ETF1: variants seen among roughly 807,000 people sequenced by gnomAD.
ETF1 encodes the protein eukaryotic peptide chain release factor subunit 1.
Under a neutral mutation model 55.1 loss-of-function variants are expected in ETF1, and 4 were observed. The ratio of observed to expected loss-of-function variants is 0.07; its 90% confidence interval spans 0.04 to 0.17. The LOEUF is 0.17. Among genes scored for constraint, ETF1 ranks in the 10% least tolerant of loss-of-function variants. The pLI is 1.00. For synonymous variants in ETF1, 157 were observed against 182.3 expected, an observed-to-expected ratio of 0.86 and a Z score of 1.12; for missense variants, 142 against 523.6, an observed-to-expected ratio of 0.27 and a Z score of 7.11.
chr5:138,518,906 C>A (rs1581029766), intron 2 of ETF1, 39 bp from the exon 3 acceptor site: 1 of 1,602,286 alleles, frequency 6.2e-7, no homozygotes, highest in South Asian at 1.1e-5. Context: ...ATTTAAATAT[C>A]ATGTAAGTAA....
At chr5:138,535,874 C>CAAA (rs35261297) in intron 2 of ETF1, among the ~76,000 whole-genome samples, 22,340 of 57,786 alleles carry the variant, frequency 0.39, 8,680 homozygotes, top group Non-Finnish European at 0.46. Flanking sequence ...GACTCCGCCT[C>CAAA]AAAAAAAAAA....
At chr5:138,508,952 A>T (rs1203942663) in intron 9 of ETF1, 136 bp from the exon 10 acceptor site, 5 of 1,443,078 alleles carry the variant, frequency 3.5e-6, no homozygotes, top group Non-Finnish European at 4.5e-6. Context: ...AAGCTCTGTA[A>T]GTCATCTCTG....
intron 3 of ETF1, chr5:138,517,974 G>A (rs1245285321): frequency 7.1e-6 from 5 of 704,864 alleles, no homozygotes; most frequent in Non-Finnish European, 8.7e-6. Flanking sequence ...GGCCGAGGTA[G>A]GCGGATCACC....
At chr5:138,512,055 T>C (rs1305035668) in intron 6 of ETF1, 1 of 177,630 alleles carries the variant, frequency 5.6e-6, no homozygotes, top group Non-Finnish European at 1.1e-5. Context: ...CAAAAATTAG[T>C]TGGGCATGGT....
chr5:138,522,420 A>G (rs1159471449), intron 2 of ETF1, among the ~76,000 whole-genome samples: 1 of 152,178 alleles, frequency 6.6e-6, no homozygotes, highest in Non-Finnish European at 1.5e-5. Context: ...AAGTGGTACA[A>G]TACTTCCAGA....
At chr5:138,537,697 C>T (rs1327129667) in intron 2 of ETF1, among the ~76,000 whole-genome samples, 6 of 151,392 alleles carry the variant, frequency 4.0e-5, no homozygotes, top group Admixed American at 4.0e-4. Context: ...AAGCCATTCT[C>T]CTGCCTCAGC....
intron 9 of ETF1, among the ~76,000 whole-genome samples, chr5:138,510,002 G>C (rs1341517661): frequency 2.7e-5 from 4 of 150,148 alleles, no homozygotes; most frequent in Non-Finnish European, 4.4e-5. Flanking sequence ...CGAGGTTATA[G>C]TGAGCTATGA....
chr5:138,509,392 C>CTATTAAATTTCAAGGATAATGAAATGTG (rs1764674960), intron 9 of ETF1, among the ~76,000 whole-genome samples: 1 of 152,176 alleles, frequency 6.6e-6, no homozygotes, highest in African/African-American at 2.4e-5. Flanking sequence ...ATTTTCCTCC[C>CTATTAAATTTCAAGGATAATGAAATGTG]TATTAAATTT....
At chr5:138,535,323 T>C (rs1174623132) in intron 2 of ETF1, among the ~76,000 whole-genome samples, 2 of 135,264 alleles carry the variant, frequency 1.5e-5, no homozygotes, top group Non-Finnish European at 3.2e-5. Context: ...CTGAAGCCCA[T>C]GGATGAATAA....
Position 138,508,783 on chromosome 5 carries a change from G to A in ETF1, c.1117C>T (p.Pro373Ser). 1.2e-6 allele frequency: 2 copies of A among 1,613,948 alleles called. No homozygotes were observed. The highest frequency in any genetic ancestry group is 1.7e-6 in the Non-Finnish European group (2 of 1,179,900). The change falls in exon 10 of 11, where the codon CCC (proline) becomes TCC (serine). Residue 373 changes from proline to serine, a missense_variant. By Grantham distance (74) the Pro-to-Ser change is moderately conservative (BLOSUM62 -1). This residue lies in a region of ETF1 where 82 missense variants were observed against 232.9 expected (regional missense o/e 0.35). Coordinates refer to ENST00000360541, the MANE Select transcript of ETF1 (RefSeq NM_004730.4). ...TTGTTAGCAAACCATTCCAACAGGG[G>A]CATGCTCTCGATAAGCTCATGTTCC... is the stretch of plus-strand genomic sequence containing the variant. Reference protein sequence around the residue: ...GQEHELIESMPLLEWFANNYK... With the variant: ...GQEHELIESMSLLEWFANNYK...
At chr5:138,539,391 GTT>G (rs1469759683) in intron 2 of ETF1, among the ~76,000 whole-genome samples, 10 of 152,184 alleles carry the variant, frequency 6.6e-5, no homozygotes, top group Admixed American at 6.5e-4. Flanking sequence ...ACCTGTTTTA[GTT>G]CCTTATTCAA....
At chr5:138,542,485 T>C in intron 2 of ETF1, 1 of 455,188 alleles carries the variant, frequency 2.2e-6, no homozygotes, top group Non-Finnish European at 3.6e-6. Context: ...GCCGAACACT[T>C]TGCCACAATA....
At chr5:138,508,560 T>C in intron 10 of ETF1, 109 bp downstream of exon 10, 1 of 1,561,544 alleles carries the variant, frequency 6.4e-7, no homozygotes, top group Non-Finnish European at 8.6e-7. Flanking sequence ...GTCAATCACC[T>C]ATCCCAGCAG....
chr5:138,507,394 A>C lies in ETF1; in HGVS notation c.*911T>G, dbSNP rs955878847. ...GGAAAACACATCCACCTCCCTTTTA[A>C]CAAGGATTGACCCAAGCAAAATAAA... On this transcript the variant is annotated 3_prime_UTR_variant, in exon 11 of 11. Transcript: ENST00000360541. 11 of 152,620 alleles carry C rather than the reference A, an allele frequency of 7.2e-5. No homozygotes were observed. The highest frequency in any genetic ancestry group is 2.4e-4 in the African/African-American group (10 of 41,442). The allele number at this position is 152,620 out of a possible 1,614,324, so 9.5% of individuals were successfully genotyped here.
chr5:138,516,138 G>A (rs1320326540), intron 4 of ETF1, among the ~76,000 whole-genome samples: 1 of 152,088 alleles, frequency 6.6e-6, no homozygotes, highest in Admixed American at 6.6e-5. Context: ...AAGTTTCAGG[G>A]GAAAGGGGGG....
chr5:138,518,367 G>C (rs757682685), intron 3 of ETF1, among the ~76,000 whole-genome samples: 3 of 151,938 alleles, frequency 2.0e-5, no homozygotes, highest in Non-Finnish European at 4.4e-5. Flanking sequence ...TGTGCCACCA[G>C]GCCTGGCTAA....
At chr5:138,539,120 A>G (rs1258733384) in intron 2 of ETF1, among the ~76,000 whole-genome samples, 1 of 152,226 alleles carries the variant, frequency 6.6e-6, no homozygotes, top group African/African-American at 2.4e-5. Flanking sequence ...ATTGGATAAG[A>G]AACACATAAG....
intron 2 of ETF1, among the ~76,000 whole-genome samples, chr5:138,538,832 TATTA>T (rs568711458): frequency 8.6e-4 from 131 of 152,346 alleles, no homozygotes; most frequent in Non-Finnish European, 1.4e-3. Flanking sequence ...AATCTGTTCA[TATTA>T]ATTATCTCTA....
chr5:138,510,545 C>T lies in ETF1; in HGVS notation c.1083+20G>A, dbSNP rs747976555. The T allele has an allele frequency of 8.2e-6, 13 of 1,587,838 alleles. No homozygotes were observed. In the South Asian group the frequency reaches 1.3e-4, roughly 16 times the overall value. On this transcript the variant is annotated intron_variant, in intron 9 of 10. Coordinates refer to ENST00000360541, the MANE Select transcript of ETF1 (RefSeq NM_004730.4). Reference sequence around the variant, plus strand: ...ATTTACGCTTGCACGTATCATCAAACCAAGAAAATAATCACATACCTCTTT... The same window carrying T: ...ATTTACGCTTGCACGTATCATCAAATCAAGAAAATAATCACATACCTCTTT...
Sources: allele counts gnomAD v4.1 joint callset (sites outside exome capture counted in the v4.1 genomes callset), GRCh38; gene constraint gnomAD v4.1.1; regional missense constraint gnomAD v4.1.1; transcripts MANE v1.5; gene names NCBI Gene and HGNC (gene_info 2026-07-23, HGNC 2026-07-21).